The following ENOX1 variants were observed in gnomAD, a reference collection of about 807,000 sequenced individuals.
The protein encoded by ENOX1 is ecto-NOX disulfide-thiol exchanger 1.
ENOX1 carries 42 observed loss-of-function variants against 82.5 expected under a neutral mutation model. That is an observed-to-expected ratio of 0.51 (90% CI 0.40 to 0.66). ENOX1 has a LOEUF of 0.66. Ranked by LOEUF, ENOX1 falls within the 30% of genes least tolerant of loss-of-function variation. ENOX1 has a pLI of 0.00. For missense variants in ENOX1, 608 were observed against 811.6 expected, an observed-to-expected ratio of 0.75 and a Z score of 3.05; for synonymous variants, 271 against 282.2, an observed-to-expected ratio of 0.96 and a Z score of 0.40.
intron 2 of ENOX1, among the ~76,000 whole-genome samples, chr13:43,643,793 A>G (rs1405955221): frequency 1.3e-5 from 2 of 152,268 alleles, no homozygotes; most frequent in East Asian, 3.9e-4. Context: ...GAAGGCATTT[A>G]TCTTCCATCA....
intron 12 of ENOX1, among the ~76,000 whole-genome samples, chr13:43,278,338 G>C (rs951228089): frequency 7.2e-5 from 11 of 151,920 alleles, no homozygotes; most frequent in African/African-American, 2.7e-4. Flanking sequence ...AGCTTGCTTT[G>C]GATACAGTGT....
chr13:43,412,168 AAAAAAT>A, intron 4 of ENOX1, 115 bp from the exon 5 acceptor site: 1 of 1,197,246 alleles, frequency 8.4e-7, no homozygotes, highest in East Asian at 2.4e-5. Context: ...AACTACAAAA[AAAAAAT>A]AAAGAACTAT....
At chr13:43,739,341 A>G (rs527623573) in intron 1 of ENOX1, among the ~76,000 whole-genome samples, 1 of 152,150 alleles carries the variant, frequency 6.6e-6, no homozygotes, top group Non-Finnish European at 1.5e-5. Context: ...TGAGTCCAGG[A>G]GTTCAAGACC....
intron 12 of ENOX1, among the ~76,000 whole-genome samples, chr13:43,280,916 G>GA (rs1462205449): frequency 6.6e-6 from 1 of 152,168 alleles, no homozygotes; most frequent in African/African-American, 2.4e-5. Context: ...AAGTGAGAGG[G>GA]AGAGGAAGTT....
intron 12 of ENOX1, among the ~76,000 whole-genome samples, chr13:43,284,771 GGTGTGTGTGTGT>G (rs72187459): frequency 4.7e-4 from 67 of 143,778 alleles, no homozygotes; most frequent in Middle Eastern, 3.6e-3. Context: ...ATTTGTTAAA[GGTGTGTGTGTGT>G]GTGTGTGTGT....
At chr13:43,441,108 T>G (rs1219131331) in intron 3 of ENOX1, among the ~76,000 whole-genome samples, 2 of 152,230 alleles carry the variant, frequency 1.3e-5, no homozygotes, top group African/African-American at 4.8e-5. Flanking sequence ...TCTGTCCTAC[T>G]GATTTCTGAT....
At chr13:43,265,240 C>T (rs1593604161) in intron 14 of ENOX1, among the ~76,000 whole-genome samples, 158 bp downstream of exon 14, 1 of 152,186 alleles carries the variant, frequency 6.6e-6, no homozygotes, top group East Asian at 1.9e-4. Context: ...AATAGCAGTG[C>T]CTGTCAATCA....
At chr13:43,427,012 C>T (rs1227158624) in intron 3 of ENOX1, among the ~76,000 whole-genome samples, 1 of 152,186 alleles carries the variant, frequency 6.6e-6, no homozygotes, top group South Asian at 2.1e-4. Context: ...GGCTAATTCA[C>T]CATCCTTTTC....
At chr13:43,480,139 A>G (rs1156999290) in intron 3 of ENOX1, among the ~76,000 whole-genome samples, 1 of 151,944 alleles carries the variant, frequency 6.6e-6, no homozygotes, top group African/African-American at 2.4e-5. Context: ...GGATTTCACC[A>G]TGTTGGCCAG....
chr13:43,361,238 A>T, intron 6 of ENOX1, 41 bp downstream of exon 6: 1 of 1,590,592 alleles, frequency 6.3e-7, no homozygotes, highest in Non-Finnish European at 8.6e-7. Context: ...AAAAAGAAAA[A>T]CATTTAAAAT....
chr13:43,550,866 C>A (rs1157649508), intron 2 of ENOX1, among the ~76,000 whole-genome samples: 2 of 152,172 alleles, frequency 1.3e-5, no homozygotes, highest in East Asian at 3.9e-4. Context: ...ATTACGATAG[C>A]AATTTAGATC....
chr13:43,344,776 A>C (rs770773843), intron 8 of ENOX1, 26 bp from the exon 9 acceptor site: 2 of 1,600,680 alleles, frequency 1.2e-6, no homozygotes, highest in Non-Finnish European at 1.7e-6. Context: ...CACCAAGTAC[A>C]AATCATGCCA....
At chr13:43,645,130 ATG>A (rs1222644204) in intron 2 of ENOX1, among the ~76,000 whole-genome samples, 2 of 152,184 alleles carry the variant, frequency 1.3e-5, no homozygotes, top group African/African-American at 2.4e-5. Context: ...TCAAAGAAAA[ATG>A]TGTGTTTTTC....
At chr13:43,534,458 G>GA (rs1300159784) in intron 2 of ENOX1, among the ~76,000 whole-genome samples, 1 of 151,576 alleles carries the variant, frequency 6.6e-6, no homozygotes, top group Non-Finnish European at 1.5e-5. Flanking sequence ...TCACTCCTAT[G>GA]AAAAAAGGAA....
intron 5 of ENOX1, among the ~76,000 whole-genome samples, chr13:43,385,357 T>C (rs1168645259): frequency 6.6e-6 from 1 of 151,952 alleles, no homozygotes; most frequent in Non-Finnish European, 1.5e-5. Flanking sequence ...GCAACATATA[T>C]GACCTATTTT....
chr13:43,516,285 A>G (rs1171311972), intron 2 of ENOX1, among the ~76,000 whole-genome samples: 1 of 152,212 alleles, frequency 6.6e-6, no homozygotes, highest in African/African-American at 2.4e-5. Flanking sequence ...CCAGTATCAG[A>G]TAAAACATCT....
chr13:43,260,550 C>T (rs1438886978), intron 14 of ENOX1, among the ~76,000 whole-genome samples: 2 of 152,174 alleles, frequency 1.3e-5, no homozygotes, highest in Admixed American at 6.5e-5. Flanking sequence ...ATTCCTCCTA[C>T]CTGATCCTAC....
intron 1 of ENOX1, among the ~76,000 whole-genome samples, chr13:43,705,412 A>C (rs1044652275): frequency 6.6e-6 from 1 of 151,002 alleles, no homozygotes; most frequent in Non-Finnish European, 1.5e-5. Context: ...TAAGAAAGCA[A>C]ACAAATACAT....
At chr13:43,540,038 T>A (rs982683913) in intron 2 of ENOX1, among the ~76,000 whole-genome samples, 1 of 152,210 alleles carries the variant, frequency 6.6e-6, no homozygotes, top group Non-Finnish European at 1.5e-5. Flanking sequence ...TCAACCTTTT[T>A]ACACACTCAT....
Sources: allele counts gnomAD v4.1 joint callset (sites outside exome capture counted in the v4.1 genomes callset), GRCh38; gene constraint gnomAD v4.1.1; transcripts MANE v1.5; gene names NCBI Gene and HGNC (gene_info 2026-07-23, HGNC 2026-07-21).